The following KIAA1210 variants were observed in gnomAD, a reference collection of about 807,000 sequenced individuals.
KIAA1210 encodes the protein acrosomal protein KIAA1210.
KIAA1210 carries 48 observed loss-of-function variants against 78.9 expected under a neutral mutation model. The ratio of observed to expected loss-of-function variants is 0.61; its 90% CI spans 0.48 to 0.77. The LOEUF is 0.77. Among genes scored for constraint, KIAA1210 ranks in the 30% least tolerant of loss-of-function variants. The pLI, the probability that KIAA1210 is intolerant of heterozygous loss-of-function variation, is 0.00. For synonymous variants in KIAA1210, 406 were observed against 404.5 expected, an observed-to-expected ratio of 1.00 and a Z score of -0.04; for missense variants, 1,108 against 1,100.0, an observed-to-expected ratio of 1.01 and a Z score of -0.10.
Position 119,078,896 on chromosome X carries a change from T to C in KIAA1210, c.*2433A>G, listed in dbSNP as rs1208274313. ...GTTAACTGTGGAAAAGAAATTGTTA[T>C]TGGAGAGTTCTCAGAGTGACAATAA... On this transcript the variant is annotated 3_prime_UTR_variant, in exon 12 of 12. Transcript: ENST00000691062. 1 of 111,493 alleles carries C rather than the reference T, an allele frequency of 9.0e-6. No homozygotes were observed. Among genetic ancestry groups the C allele is most frequent in the African/African-American group, 3.3e-5 (1 of 30,592 alleles). The allele number at this position is 111,493 out of a possible 1,213,427, so 9.2% of individuals were successfully genotyped here.
At chrX:119,102,658 T>G (rs1443552244) in intron 6 of KIAA1210, among the ~76,000 whole-genome samples, 1 of 111,939 alleles carries the variant, frequency 8.9e-6, no homozygotes, top group African/African-American at 3.3e-5. Context: ...GAGGCATACT[T>G]GTAGCACTCA....
intron 6 of KIAA1210, among the ~76,000 whole-genome samples, chrX:119,102,386 G>C (rs1569316375): frequency 9.0e-6 from 1 of 111,683 alleles, no homozygotes; most frequent in Non-Finnish European, 1.9e-5. Context: ...TTTCATTTTA[G>C]AGACAGAGTC....
At chrX:119,146,364 T>C (rs1345129882) in intron 2 of KIAA1210, among the ~76,000 whole-genome samples, 1 of 111,757 alleles carries the variant, frequency 8.9e-6, no homozygotes, top group Non-Finnish European at 1.9e-5. Flanking sequence ...CATTCCCATA[T>C]AATATGCTGA....
intron 2 of KIAA1210, among the ~76,000 whole-genome samples, chrX:119,122,725 C>T (rs1183073488): frequency 8.9e-6 from 1 of 111,797 alleles, no homozygotes; most frequent in Non-Finnish European, 1.9e-5. Flanking sequence ...CTCTGTCTCT[C>T]TCTCTCTCTG....
chrX:119,137,860 T>G (rs1308071372), intron 2 of KIAA1210, among the ~76,000 whole-genome samples: 1 of 111,007 alleles, frequency 9.0e-6, no homozygotes, highest in Non-Finnish European at 1.9e-5. Flanking sequence ...AAAGCTGGAG[T>G]GTACTTTGCT....
rs1162878581 is a variant in KIAA1210 at position 119,081,264 on chromosome X, C to T, written c.*65G>A. The T allele has an allele frequency of 3.8e-5, 25 of 664,976 alleles. No homozygotes were observed. The highest frequency in any genetic ancestry group is 5.4e-5 in the African/African-American group (1 of 18,403). The allele number at this position is 664,976 out of a possible 1,213,427, so 54.8% of individuals were successfully genotyped here. On this transcript the variant is annotated 3_prime_UTR_variant, in exon 12 of 12. Transcript: ENST00000691062. ...TCTGGGTAACAGAGCGAGACTCTGT[C>T]TCAAAAAAAAAAAAAAAAAAAAAAA...
intron 1 of KIAA1210, among the ~76,000 whole-genome samples, chrX:119,125,735 A>ATATATATTTTTT (rs5903546): frequency 3.2e-4 from 5 of 15,792 alleles, no homozygotes; most frequent in African/African-American, 1.3e-3. Context: ...ATATATATAT[A>ATATATATTTTTT]TTTTTTTTTT....
chrX:119,083,953 T>C, intron 10 of KIAA1210, among the ~76,000 whole-genome samples: 1 of 90,418 alleles, frequency 1.1e-5, no homozygotes, highest in Middle Eastern at 7.9e-3. Context: ...GAGCTGTGAT[T>C]GCACCACTGC....
chrX:119,142,517 C>G, intron 2 of KIAA1210, among the ~76,000 whole-genome samples: 2 of 110,983 alleles, frequency 1.8e-5, no homozygotes, highest in Middle Eastern at 4.6e-3. Flanking sequence ...GTGCCTCACA[C>G]CTGTAATCCC....
At chrX:119,137,545 T>TGCC (rs1476033712) in intron 2 of KIAA1210, among the ~76,000 whole-genome samples, 1 of 112,824 alleles carries the variant, frequency 8.9e-6, no homozygotes, top group Non-Finnish European at 1.9e-5. Context: ...TATCATGTGT[T>TGCC]AGGACAAGGA....
chrX:119,104,812 T>C (rs1440608112), intron 6 of KIAA1210, among the ~76,000 whole-genome samples, 180 bp downstream of exon 6: 23 of 111,828 alleles, frequency 2.1e-4, no homozygotes, highest in Non-Finnish European at 9.4e-5. Flanking sequence ...ATTAAAATGG[T>C]GATTATTTGG....
chrX:119,150,568 G>T, exon 1 of KIAA1210: 1 of 1,205,580 alleles, frequency 8.3e-7, no homozygotes, highest in Non-Finnish European at 1.1e-6. Context: ...GAGGCGTCCA[G>T]CCGGCCCTCA....
intron 2 of KIAA1210, among the ~76,000 whole-genome samples, chrX:119,121,777 T>A (rs7885107): frequency 0.037 from 4,132 of 111,029 alleles, 179 homozygotes; most frequent in African/African-American, 0.13. Context: ...ATTTATTATT[T>A]TTTTTTTTTG....
At chrX:119,108,494 A>T in intron 4 of KIAA1210, 23 bp from the exon 5 acceptor site, 1 of 1,195,411 alleles carries the variant, frequency 8.4e-7, no homozygotes, top group Non-Finnish European at 1.1e-6. Context: ...GAGAGAAAAA[A>T]ACTTGAGGAT....
At chrX:119,149,189 C>T (rs1929234736) in intron 1 of KIAA1210, among the ~76,000 whole-genome samples, 1 of 110,834 alleles carries the variant, frequency 9.0e-6, no homozygotes. Context: ...CCTCCATGTG[C>T]TCGCTTCCAA....
intron 8 of KIAA1210, among the ~76,000 whole-genome samples, chrX:119,093,351 A>G: frequency 8.9e-6 from 1 of 112,448 alleles, no homozygotes; most frequent in African/African-American, 3.2e-5. Flanking sequence ...TCACTGAGGA[A>G]CTCAGCATGT....
chrX:119,142,429 A>G (rs951950556), intron 2 of KIAA1210, among the ~76,000 whole-genome samples: 4 of 111,761 alleles, frequency 3.6e-5, no homozygotes, highest in African/African-American at 1.3e-4. Flanking sequence ...TGAGGACCTC[A>G]GGAAGCTTCT....
intron 3 of KIAA1210, among the ~76,000 whole-genome samples, chrX:119,113,694 T>C (rs944116692): frequency 2.7e-5 from 3 of 112,059 alleles, no homozygotes; most frequent in Non-Finnish European, 3.8e-5. Context: ...TATAGAAACA[T>C]AAAAATTTTA....
At chrX:119,131,133 T>C (rs1347795850), upstream of KIAA1210, among the ~76,000 whole-genome samples, 1 of 111,984 alleles carries the variant, frequency 8.9e-6, no homozygotes, top group East Asian at 2.8e-4. Flanking sequence ...CCTCATGTTG[T>C]TGGTTTTCTT....
Sources: allele counts gnomAD v4.1 joint callset (sites outside exome capture counted in the v4.1 genomes callset), GRCh38; gene constraint gnomAD v4.1.1; transcripts MANE v1.5; gene names NCBI Gene and HGNC (gene_info 2026-07-23, HGNC 2026-07-21).